Variants in CEP192 observed in about 807,000 individuals in gnomAD.
The protein encoded by CEP192 is centrosomal protein 192, also known as centrosomal protein of 192 kDa.
In CEP192, 151 loss-of-function variants were observed where a neutral mutation model predicts 271.8. The observed-to-expected ratio is 0.56, with a 90% CI of 0.49 to 0.64. The LOEUF (loss-of-function observed/expected upper bound fraction) is 0.64, where lower values mean the gene tolerates loss of function less well. CEP192 is among the 30% of genes least tolerant of loss of function. The probability of loss-of-function intolerance (pLI) is 0.00; values close to 1 mark genes in which losing one functional copy is unlikely to be tolerated. For missense variants in CEP192, 2,910 were observed against 3,020.5 expected, an observed-to-expected ratio of 0.96 and a Z score of 0.86; for synonymous variants, 995 against 1,076.5, an observed-to-expected ratio of 0.92 and a Z score of 1.48.
Position 13,104,298 on chromosome 18 carries a change from G to A in CEP192, c.6952-686G>A, listed in dbSNP as rs181765069. 7.9e-4 allele frequency among the ~76,000 whole-genome samples: 120 copies of A among 151,650 alleles called. 2 individuals are homozygous for A. The highest frequency in any genetic ancestry group is 1.2e-4 in the Non-Finnish European group (8 of 67,886). ...CAGGAAACGGAGCTGAGCGCTCTTT[G>A]CCAGTGAGTCTAGCCTACTATCTAT... On this transcript the variant is annotated intron_variant, in intron 39 of 44. Coordinates refer to ENST00000506447, the MANE Select transcript of CEP192 (RefSeq NM_032142.4).
intron 1 of CEP192, among the ~76,000 whole-genome samples, chr18:12,992,163 C>T (rs143002906): frequency 0.024 from 3,605 of 152,104 alleles, 84 homozygotes; most frequent in Non-Finnish European, 0.035. Context: ...ACCATATTTC[C>T]ATTTGCTCTT....
chr18:13,028,312 G>T (rs894250760), intron 9 of CEP192, among the ~76,000 whole-genome samples: 1 of 152,190 alleles, frequency 6.6e-6, no homozygotes, highest in African/African-American at 2.4e-5. Flanking sequence ...TAAAGACCTT[G>T]TTTCAGAATA....
At chr18:13,034,774 G>A (rs2035824111) in intron 11 of CEP192, among the ~76,000 whole-genome samples, 1 of 146,986 alleles carries the variant, frequency 6.8e-6, no homozygotes, top group South Asian at 2.1e-4. Context: ...AGCCGAGATT[G>A]CACCACTGCC....
chr18:12,992,937 C>A (rs1285694318), intron 1 of CEP192, among the ~76,000 whole-genome samples: 1 of 152,150 alleles, frequency 6.6e-6, no homozygotes, highest in African/African-American at 2.4e-5. Flanking sequence ...TTAGGCCCTT[C>A]TAAATAGGGA....
At chr18:13,016,165 A>G (rs1568283167) in intron 6 of CEP192, among the ~76,000 whole-genome samples, 3 of 152,076 alleles carry the variant, frequency 2.0e-5, no homozygotes, top group Non-Finnish European at 1.5e-5. Flanking sequence ...GTGCCTGGGA[A>G]TTATAGGGGG....
intron 1 of CEP192, among the ~76,000 whole-genome samples, chr18:12,997,775 A>T (rs2033350014): frequency 6.6e-6 from 1 of 152,160 alleles, no homozygotes; most frequent in African/African-American, 2.4e-5. Flanking sequence ...CCCAGGCTGA[A>T]GTACAGGGGC....
Position 13,074,955 on chromosome 18 carries a change from C to T in CEP192, c.5616+1770C>T, listed in dbSNP as rs189044756. Reference sequence around the variant, plus strand: ...AATACCATAAAGCATGATAGGACTGCAATAAAAATGTATTGATTATTCCAT... The same window carrying T: ...AATACCATAAAGCATGATAGGACTGTAATAAAAATGTATTGATTATTCCAT... On this transcript the variant is annotated intron_variant, in intron 30 of 44. Coordinates refer to ENST00000506447, the MANE Select transcript of CEP192 (RefSeq NM_032142.4). Among the ~76,000 whole-genome samples the T allele has an allele frequency of 2.0e-5, 3 of 152,308 alleles. No homozygotes were observed. In the East Asian group the frequency reaches 5.8e-4, roughly 29 times the overall value.
intron 21 of CEP192, among the ~76,000 whole-genome samples, chr18:13,062,611 G>A (rs943268822): frequency 1.3e-5 from 2 of 150,560 alleles, no homozygotes; most frequent in South Asian, 4.2e-4. Context: ...TTTTTTGTGG[G>A]TACCTAAATA....
intron 40 of CEP192, among the ~76,000 whole-genome samples, chr18:13,112,428 A>G (rs2145056950): frequency 6.6e-6 from 1 of 152,334 alleles, no homozygotes. Context: ...AGGCAGATCT[A>G]TAGAGAGAAA....
intron 40 of CEP192, among the ~76,000 whole-genome samples, chr18:13,106,509 T>TACCACC (rs761390676): frequency 4.2e-4 from 58 of 136,946 alleles, no homozygotes; most frequent in African/African-American, 1.1e-3. Context: ...CACCATTTCC[T>TACCACC]ACCACCACCA....
intron 17 of CEP192, among the ~76,000 whole-genome samples, 157 bp downstream of exon 17, chr18:13,050,048 C>G (rs76653046): frequency 0.046 from 6,954 of 151,734 alleles, 174 homozygotes; most frequent in Middle Eastern, 0.11. Context: ...TCTGTGCAAA[C>G]TTTTGTATAT....
rs767055644 is a variant in CEP192 at position 13,049,686 on chromosome 18, GTGTC to G, written c.2890+8_2890+11del. 9 of 1,605,144 alleles carry G rather than the reference GTGTC, an allele frequency of 5.6e-6. No individual in the cohort carries two copies. In the African/African-American group the frequency reaches 1.1e-4, roughly 19 times the overall value. ...TAGTCTCACCTAAAAATAGTGGTAA[GTGTC>G]TGAGTCGTTGGTCACATTCATAAAA... On this transcript the variant is annotated splice_donor_region_variant and intron_variant, in intron 16 of 44. Transcript: ENST00000506447.
intron 9 of CEP192, chr18:13,024,186 C>T (rs938515666): frequency 2.7e-6 from 1 of 374,392 alleles, no homozygotes. Context: ...GGTGTATACA[C>T]GTTAAGGATG....
intron 27 of CEP192, among the ~76,000 whole-genome samples, chr18:13,070,340 C>A (rs2037946785): frequency 6.6e-6 from 1 of 152,134 alleles, no homozygotes; most frequent in African/African-American, 2.4e-5. Context: ...GACTAAAAAT[C>A]TTCTTTTAAA....
intron 33 of CEP192, among the ~76,000 whole-genome samples, chr18:13,089,819 G>A (rs1283485072): frequency 5.9e-5 from 9 of 152,184 alleles, no homozygotes; most frequent in Non-Finnish European, 1.2e-4. Context: ...ATAAGTATTC[G>A]ATGAAAGAGC....
chr18:13,007,900 C>T (rs2034081513), intron 3 of CEP192, among the ~76,000 whole-genome samples: 1 of 152,204 alleles, frequency 6.6e-6, no homozygotes, highest in Non-Finnish European at 1.5e-5. Context: ...CGTTCCCACC[C>T]CTCTCTTTCT....
intron 42 of CEP192, among the ~76,000 whole-genome samples, chr18:13,115,761 T>G (rs1429199834): frequency 6.6e-6 from 1 of 152,086 alleles, no homozygotes; most frequent in Non-Finnish European, 1.5e-5. Flanking sequence ...CACAAGTTCA[T>G]TTTTGTATTT....
At chr18:13,051,024 C>T (rs2036758035) in intron 17 of CEP192, among the ~76,000 whole-genome samples, 1 of 152,144 alleles carries the variant, frequency 6.6e-6, no homozygotes, top group African/African-American at 2.4e-5. Flanking sequence ...CTTTACTGTC[C>T]CTATGGAAGA....
chr18:13,034,602 T>C (rs1203615552), intron 11 of CEP192, among the ~76,000 whole-genome samples: 1 of 150,704 alleles, frequency 6.6e-6, no homozygotes, highest in Non-Finnish European at 1.5e-5. Flanking sequence ...GGTCAGGAGA[T>C]CGAGACCATC....
Sources: gnomAD v4.1 joint callset for allele counts (sites outside exome capture counted in the v4.1 genomes callset) on GRCh38, gnomAD v4.1.1 for gene constraint, MANE v1.5 for transcripts, NCBI Gene and HGNC (gene_info 2026-07-23, HGNC 2026-07-21) for gene names.